The following CACNG6 variants were observed in gnomAD, a reference collection of about 807,000 sequenced individuals.
CACNG6 encodes calcium voltage-gated channel auxiliary subunit gamma 6.
In CACNG6, 21 loss-of-function variants were observed where a neutral mutation model predicts 23.9. The observed-to-expected ratio is 0.88, with a 90% confidence interval of 0.62 to 1.26. The LOEUF is 1.26. CACNG6 is among the 50% of genes most tolerant of loss of function. The pLI is 0.00. For synonymous variants in CACNG6, 182 were observed against 168.9 expected (o/e 1.08, Z -0.60); for missense variants, 340 against 352.9 (o/e 0.96, Z 0.29).
intron 3 of CACNG6, among the ~76,000 whole-genome samples, chr19:54,005,250 T>TA (rs368321136): frequency 1.1e-3 from 107 of 94,018 alleles, no homozygotes; most frequent in East Asian, 0.011. Flanking sequence ...AATAAATAAA[T>TA]AATAATAAAA....
chr19:53,993,015 C>T lies in CACNG6; in HGVS notation c.138C>T (p.Ala46=), dbSNP rs770825108. 2.3e-5 allele frequency: 33 copies of T among 1,461,822 alleles called. No individual in the cohort carries two copies. In the East Asian group the frequency reaches 9.2e-4, roughly 41 times the overall value. The allele number at this position is 1,461,822 out of a possible 1,614,324, so 90.6% of individuals were successfully genotyped here. A position where few individuals can be genotyped will look rare whatever the true frequency, so the allele number is the denominator to read the frequency against. ...EGKVKLALLL[A]AVGATLAVLS... is the part of the protein sequence containing the mutation. ...AGGTGAAGCTGGCGCTGCTGCTGGCCGCCGTGGGCGCCACGCTGGCGGTGC... is the reference window on the plus strand; with the variant it reads ...AGGTGAAGCTGGCGCTGCTGCTGGCTGCCGTGGGCGCCACGCTGGCGGTGC... Residue 46 remains alanine, a synonymous_variant, in exon 1 of 4, where the codon GCC becomes GCT. Transcript: ENST00000252729.
chr19:54,011,204 AAAT>A lies in CACNG6; in HGVS notation c.545-745_545-743del, dbSNP rs1239888426. Among the ~76,000 whole-genome samples, 190 of 109,516 alleles carry A rather than the reference AAAT, an allele frequency of 1.7e-3. 1 individual carries two copies. The highest frequency in any genetic ancestry group is 0.013 in the Middle Eastern group (3 of 238). 71.8% of individuals were successfully genotyped at this position (109,516 alleles called of 152,430 possible). ...CCCGTCTCTACTAAAAAAAAAAAAAAAATATATATATATATATATATATACACA... is the reference window on the plus strand; with the variant it reads ...CCCGTCTCTACTAAAAAAAAAAAAAAATATATATATATATATATATACACA... On this transcript the variant is annotated intron_variant, in intron 3 of 3. Transcript: ENST00000252729.
chr19:53,996,623 C>T (rs1291527133), intron 1 of CACNG6, among the ~76,000 whole-genome samples: 1 of 152,008 alleles, frequency 6.6e-6, no homozygotes, highest in Non-Finnish European at 1.5e-5. Context: ...GAACTCCTGA[C>T]CCCAAGTGAT....
intron 3 of CACNG6, among the ~76,000 whole-genome samples, chr19:54,011,190 TA>T (rs142489178): frequency 0.016 from 974 of 59,194 alleles, 25 homozygotes; most frequent in East Asian, 0.1. Context: ...CCGTCTCTAC[TA>T]AAAAAAAAAA....
chr19:54,012,246 A>G lies in CACNG6; in HGVS notation c.*57A>G. Reference sequence around the variant, plus strand: ...CGAGCCCTTTGACCTTCTCCATTGTACCCCCAAGATCTTTTTGCCCCATCT... The same window carrying G: ...CGAGCCCTTTGACCTTCTCCATTGTGCCCCCAAGATCTTTTTGCCCCATCT... On this transcript the variant is annotated 3_prime_UTR_variant, in exon 4 of 4. Transcript: ENST00000252729. 1.3e-6 allele frequency: 1 copy of G among 765,458 alleles called. No individual in the cohort carries two copies. The highest frequency in any genetic ancestry group is 2.8e-5 in the South Asian group (1 of 35,866). 47.4% of individuals were successfully genotyped at this position (765,458 alleles called of 1,614,324 possible).
At chr19:53,993,880 C>T (rs989726885) in intron 1 of CACNG6, among the ~76,000 whole-genome samples, 2 of 151,988 alleles carry the variant, frequency 1.3e-5, no homozygotes, top group African/African-American at 4.8e-5. Context: ...CGCTGTGTCC[C>T]CCCAGACCAG....
intron 1 of CACNG6, among the ~76,000 whole-genome samples, chr19:53,996,221 TGC>T (rs1568811681): frequency 6.6e-6 from 1 of 152,184 alleles, no homozygotes; most frequent in Non-Finnish European, 1.5e-5. Flanking sequence ...TCTCTTTCTG[TGC>T]CTCAGTTTCC....
chr19:54,012,512 A>T lies in CACNG6; in HGVS notation c.*323A>T. ...ATGAGGTCAGGGGGTCTTGGGTGGGAGTTGGGGGCCCCTTCATTTCCCAGG... is the reference window on the plus strand; with the variant it reads ...ATGAGGTCAGGGGGTCTTGGGTGGGTGTTGGGGGCCCCTTCATTTCCCAGG... On this transcript the variant is annotated 3_prime_UTR_variant, in exon 4 of 4. Coordinates refer to ENST00000252729, the MANE Select transcript of CACNG6 (RefSeq NM_145814.2). 1 of 223,966 alleles carries T rather than the reference A, an allele frequency of 4.5e-6. No individual in the cohort carries two copies. Among genetic ancestry groups the T allele is most frequent in the Non-Finnish European group, 8.6e-6 (1 of 116,836 alleles). The allele number at this position is 223,966 out of a possible 1,614,324, so 13.9% of individuals were successfully genotyped here.
At chr19:54,009,678 T>A (rs450413) in intron 3 of CACNG6, among the ~76,000 whole-genome samples, 92 of 151,954 alleles carry the variant, frequency 6.1e-4, no homozygotes, top group African/African-American at 2.2e-3. Flanking sequence ...GTTTTGCAAA[T>A]TTTGGTTTAT....
At chr19:54,003,133 G>A (rs1028620431) in intron 3 of CACNG6, among the ~76,000 whole-genome samples, 6 of 152,122 alleles carry the variant, frequency 3.9e-5, no homozygotes, top group East Asian at 1.9e-4. Flanking sequence ...TAGTGAAGGC[G>A]TCCCTTTGAA....
intron 1 of CACNG6, among the ~76,000 whole-genome samples, chr19:53,996,275 T>C (rs895340241): frequency 5.9e-5 from 9 of 152,220 alleles, no homozygotes; most frequent in African/African-American, 2.2e-4. Context: ...AGGTGAATTC[T>C]GAGGGAATTT....
chr19:54,006,517 C>CTTTCTTTTTTTTTTTTTTTTTTTTTTT (rs2069646652), intron 3 of CACNG6, among the ~76,000 whole-genome samples: 1 of 107,332 alleles, frequency 9.3e-6, no homozygotes, highest in African/African-American at 3.8e-5. Context: ...TTCCTTCTTT[C>CTTTCTTTTTTTTTTTTTTTTTTTTTTT]TTTTCTTTTT....
At chr19:54,010,610 T>C (rs2069695422) in intron 3 of CACNG6, among the ~76,000 whole-genome samples, 1 of 152,164 alleles carries the variant, frequency 6.6e-6, no homozygotes, top group African/African-American at 2.4e-5. Flanking sequence ...GATCTTGCTG[T>C]GTTGTCCAGG....
rs746770772 is a variant in CACNG6, at chr19:53,992,889, C to T, written c.12C>T (p.Ser4=). Reference sequence around the variant, plus strand: ...CCACCGGCCATAAGATGATGTGGTCCAACTTCTTCCTGCAAGAGGAGAACC... The same window carrying T: ...CCACCGGCCATAAGATGATGTGGTCTAACTTCTTCCTGCAAGAGGAGAACC... MMW[S]NFFLQEENRR... is the part of the protein sequence containing the mutation. Residue 4 remains serine (S), a synonymous_variant, in exon 1 of 4, where the codon TCC becomes TCT. Coordinates refer to ENST00000252729, the MANE Select transcript of CACNG6 (RefSeq NM_145814.2). The surrounding 1 kb of genome is among the most constrained non-coding windows in gnomAD (Gnocchi z 4.1). 1.2e-5 allele frequency: 17 copies of T among 1,404,634 alleles called. No individual in the cohort carries two copies. The highest frequency in any genetic ancestry group is 1.6e-5 in the Non-Finnish European group (17 of 1,081,478). 87.0% of individuals were successfully genotyped at this position (1,404,634 alleles called of 1,614,324 possible).
intron 1 of CACNG6, 118 bp downstream of exon 1, chr19:53,993,326 C>T: frequency 1.9e-6 from 2 of 1,074,022 alleles, no homozygotes; most frequent in East Asian, 2.8e-5. Flanking sequence ...GAGGAGACAG[C>T]TTGCCTCGCA....
At chr19:54,004,062 G>T (rs548720588) in intron 3 of CACNG6, among the ~76,000 whole-genome samples, 39 of 152,126 alleles carry the variant, frequency 2.6e-4, no homozygotes, top group African/African-American at 9.4e-4. Flanking sequence ...TCACTATGTT[G>T]CCCAGGCTAA....
At chr19:53,993,801 G>C (rs2069493681) in intron 1 of CACNG6, among the ~76,000 whole-genome samples, 1 of 149,886 alleles carries the variant, frequency 6.7e-6, no homozygotes. Context: ...CTCCACACCA[G>C]GCTATGGTCC....
intron 3 of CACNG6, among the ~76,000 whole-genome samples, chr19:54,009,466 A>T (rs534286910): frequency 1.5e-4 from 23 of 151,566 alleles, no homozygotes; most frequent in African/African-American, 5.1e-4. Context: ...AAAAAAAAAA[A>T]ATTAGCCAGG....
chr19:53,996,827 ATGAGATCATGCTAT>A (rs1332622392), intron 1 of CACNG6, among the ~76,000 whole-genome samples: 1 of 150,890 alleles, frequency 6.6e-6, no homozygotes, highest in East Asian at 1.9e-4. Context: ...TTTTACATAA[ATGAGATCATGCTAT>A]TGATTTTGTC....
Sources: allele counts gnomAD v4.1 joint callset (sites outside exome capture counted in the v4.1 genomes callset), GRCh38; gene constraint gnomAD v4.1.1; non-coding constraint Gnocchi (gnomAD v3.1); transcripts MANE v1.5; gene names NCBI Gene and HGNC (gene_info 2026-07-23, HGNC 2026-07-21).